Variants in PARP16 observed in about 807,000 individuals in gnomAD.
The protein encoded by PARP16 is protein mono-ADP-ribosyltransferase PARP16.
In PARP16, 31 loss-of-function variants were observed where a neutral mutation model predicts 35.0. That is an observed-to-expected ratio of 0.88 (90% CI 0.66 to 1.19). The LOEUF (loss-of-function observed/expected upper bound fraction) is 1.19. PARP16 is among the 50% of genes most tolerant of loss of function. The pLI is 0.00. For missense variants in PARP16, 424 were observed against 411.2 expected (o/e 1.03, Z -0.27); for synonymous variants, 162 against 169.5 (o/e 0.96, Z 0.34).
intron 1 of PARP16, among the ~76,000 whole-genome samples, chr15:65,284,097 T>C (rs1360112966): frequency 6.6e-6 from 1 of 152,160 alleles, no homozygotes; most frequent in Non-Finnish European, 1.5e-5. Context: ...CAAACACTGA[T>C]GATTTCATCA....
downstream of PARP16, among the ~76,000 whole-genome samples, chr15:65,255,743 GAAAAAAAA>G (rs56665485): frequency 1.7e-5 from 1 of 57,160 alleles, no homozygotes; most frequent in African/African-American, 8.5e-5. Context: ...AGAAAACTCA[GAAAAAAAA>G]AAAAAAAAAA....
chr15:65,271,719 C>G (rs949733963), intron 1 of PARP16, among the ~76,000 whole-genome samples: 2 of 152,170 alleles, frequency 1.3e-5, no homozygotes, highest in Non-Finnish European at 2.9e-5. Context: ...TGGCATGCCA[C>G]CCACTGGAGG....
chr15:65,244,858 G>T (rs538026580), intron 3 of PARP16, among the ~76,000 whole-genome samples: 2 of 152,334 alleles, frequency 1.3e-5, no homozygotes, highest in Admixed American at 1.3e-4. Flanking sequence ...CTGAGGATTT[G>T]GTCAGCCTGG....
intron 1 of PARP16, among the ~76,000 whole-genome samples, chr15:65,281,058 G>A (rs1232724999): frequency 6.6e-6 from 1 of 152,178 alleles, no homozygotes; most frequent in Non-Finnish European, 1.5e-5. Flanking sequence ...AGGGCCTGGA[G>A]CTAACACAAA....
At chr15:65,283,223 G>A (rs978181589) in intron 1 of PARP16, among the ~76,000 whole-genome samples, 7 of 151,960 alleles carry the variant, frequency 4.6e-5, no homozygotes, top group Non-Finnish European at 8.8e-5. Flanking sequence ...AATTGCTTGC[G>A]CCCAGGAGTT....
chr15:65,249,796 C>T lies in PARP16; in HGVS notation c.203-1568G>A, dbSNP rs75722838. The stretch of plus-strand genomic sequence containing the variant: ...GAAGGGAGGGGCCATCCCCTTCCTG[C>T]CCCACATTCAGTGCCATGTGTGCCT... On this transcript the variant is annotated intron_variant and NMD_transcript_variant, in intron 2 of 3. Transcript: ENST00000559805. 3.9e-5 allele frequency among the ~76,000 whole-genome samples: 6 copies of T among 152,324 alleles called. No individual in the cohort carries two copies. In the East Asian group the frequency reaches 1.2e-3, roughly 29 times the overall value.
chr15:65,277,386 C>G (rs1198297983), intron 1 of PARP16, among the ~76,000 whole-genome samples: 1 of 152,194 alleles, frequency 6.6e-6, no homozygotes, highest in Non-Finnish European at 1.5e-5. Flanking sequence ...GACAAACACT[C>G]CCTGAGGCCA....
intron 3 of PARP16, among the ~76,000 whole-genome samples, chr15:65,264,755 G>C (rs1424444253): frequency 6.6e-6 from 1 of 152,206 alleles, no homozygotes; most frequent in Non-Finnish European, 1.5e-5. Flanking sequence ...GGGAAGCTCA[G>C]TGTATCTCTG....
At chr15:65,243,986 C>T (rs1315427523) in intron 3 of PARP16, among the ~76,000 whole-genome samples, 1 of 152,092 alleles carries the variant, frequency 6.6e-6, no homozygotes, top group East Asian at 1.9e-4. Context: ...GGTCTTACTG[C>T]CTTCCCCTCA....
chr15:65,232,057 G>A (rs2088783919), downstream of PARP16, among the ~76,000 whole-genome samples: 1 of 151,978 alleles, frequency 6.6e-6, no homozygotes, highest in African/African-American at 2.4e-5. Context: ...TGCCAGTTTA[G>A]ACTACACCGT....
At chr15:65,239,918 A>C (rs1021682520) in intron 3 of PARP16, among the ~76,000 whole-genome samples, 3 of 137,682 alleles carry the variant, frequency 2.2e-5, no homozygotes, top group Non-Finnish European at 3.1e-5. Context: ...GGCCTCCCAA[A>C]GTTTTCGGAT....
intron 1 of PARP16, among the ~76,000 whole-genome samples, chr15:65,271,612 A>C (rs373511924): frequency 6.6e-5 from 10 of 151,852 alleles, no homozygotes; most frequent in African/African-American, 2.4e-4. Context: ...TTGGGTACCA[A>C]ACCTGACCTG....
intron 1 of PARP16, chr15:65,282,709 A>C (rs566032244): frequency 3.9e-4 from 59 of 152,344 alleles, no homozygotes; most frequent in African/African-American, 1.4e-3. Context: ...AAGGGTAACT[A>C]TCTGGGACTG....
intron 2 of PARP16, among the ~76,000 whole-genome samples, chr15:65,267,529 C>T (rs2089939693): frequency 6.6e-6 from 1 of 151,338 alleles, no homozygotes; most frequent in Non-Finnish European, 1.5e-5. Flanking sequence ...ATGGTGTGAA[C>T]CCAGGAGGCA....
chr15:65,254,051 C>T (rs2089436046), downstream of PARP16, among the ~76,000 whole-genome samples: 1 of 152,036 alleles, frequency 6.6e-6, no homozygotes, highest in Non-Finnish European at 1.5e-5. Flanking sequence ...CTCCTGACGT[C>T]AGGTGATCTG....
chr15:65,233,590 G>A (rs1321051036), downstream of PARP16, among the ~76,000 whole-genome samples: 2 of 151,690 alleles, frequency 1.3e-5, no homozygotes, highest in African/African-American at 2.4e-5. Context: ...ACAAAAATTA[G>A]TGGGACAGGC....
In PARP16 at chr15:65,264,666, C is replaced by T. The variant is rs146823839; in HGVS notation, c.520-1346G>A. Among the ~76,000 whole-genome samples the T allele has an allele frequency of 3.9e-3, 596 of 152,300 alleles. 4 individuals carry two copies. The highest frequency in any genetic ancestry group is 0.013 in the African/African-American group (548 of 41,566). ...GATCTGACCCCACATCCATTCTCTG[C>T]TTATGCCATCATGTGTTCACCCTTC... On this transcript the variant is annotated intron_variant, in intron 3 of 5. Transcript: ENST00000649807.
intron 3 of PARP16, among the ~76,000 whole-genome samples, chr15:65,247,155 T>C (rs924666973): frequency 6.6e-6 from 1 of 152,112 alleles, no homozygotes; most frequent in Non-Finnish European, 1.5e-5. Context: ...CAAGCTGGGC[T>C]AATTTTTTAA....
intron 1 of PARP16, among the ~76,000 whole-genome samples, chr15:65,285,296 C>A (rs1336326177): frequency 6.6e-6 from 1 of 152,084 alleles, no homozygotes; most frequent in Non-Finnish European, 1.5e-5. Context: ...CGCCACCACG[C>A]CCGGCTAACT....
Sources: gnomAD v4.1 joint callset for allele counts (sites outside exome capture counted in the v4.1 genomes callset) on GRCh38, gnomAD v4.1.1 for gene constraint, MANE v1.5 for transcripts, NCBI Gene and HGNC (gene_info 2026-07-23, HGNC 2026-07-21) for gene names.